Variants in PTGES3 observed in about 807,000 individuals in gnomAD.
PTGES3 encodes prostaglandin E synthase 3.
A neutral mutation model predicts 29.9 loss-of-function variants in PTGES3; 5 were observed. That is an observed-to-expected ratio of 0.17 (90% CI 0.09 to 0.35). PTGES3 has a LOEUF of 0.35. PTGES3 is among the 10% of genes least tolerant of loss of function. PTGES3 has a pLI of 1.00. For missense variants in PTGES3, 128 were observed against 190.0 expected (o/e 0.67, Z 1.92); for synonymous variants, 49 against 57.8 (o/e 0.85, Z 0.69).
chr12:56,667,002 T>A (rs1447657954), intron 5 of PTGES3, among the ~76,000 whole-genome samples: 1 of 151,966 alleles, frequency 6.6e-6, no homozygotes, highest in Non-Finnish European at 1.5e-5. Flanking sequence ...TCACTGCAAC[T>A]TCCGCTTCCC....
intron 1 of PTGES3, among the ~76,000 whole-genome samples, chr12:56,684,277 G>C (rs1378439190): frequency 2.0e-5 from 3 of 152,018 alleles, no homozygotes; most frequent in African/African-American, 4.8e-5. Flanking sequence ...TAAAACACTG[G>C]CTTGCACTCA....
chr12:56,686,981 G>C (rs1197421216), intron 1 of PTGES3: 3 of 144,544 alleles, frequency 2.1e-5, no homozygotes, highest in Non-Finnish European at 3.8e-5. Context: ...GACGTAGTTA[G>C]TACCTTGAAA....
At chr12:56,686,390 T>A (rs1034877029) in intron 1 of PTGES3, among the ~76,000 whole-genome samples, 2 of 142,208 alleles carry the variant, frequency 1.4e-5, no homozygotes, top group African/African-American at 2.6e-5. Context: ...TTATTTATTT[T>A]GAGACGGGTT....
At chr12:56,685,399 CTTT>C (rs143526249) in intron 1 of PTGES3, among the ~76,000 whole-genome samples, 112 of 131,152 alleles carry the variant, frequency 8.5e-4, no homozygotes, top group Non-Finnish European at 1.4e-3. Flanking sequence ...TTTTTCTTTT[CTTT>C]TTTTTTTTTT....
At chr12:56,668,043 G>A (rs1007590628) in intron 5 of PTGES3, among the ~76,000 whole-genome samples, 4 of 152,224 alleles carry the variant, frequency 2.6e-5, no homozygotes, top group Non-Finnish European at 5.9e-5. Context: ...AGGAGGTGGA[G>A]GCTGGAGTGA....
chr12:56,670,167 A>G (rs1021301704), intron 5 of PTGES3, 108 bp downstream of exon 5: 16 of 691,076 alleles, frequency 2.3e-5, no homozygotes, highest in Non-Finnish European at 4.1e-5. Flanking sequence ...TAAAAATAAA[A>G]TAACATGCAT....
chr12:56,665,672 C>G, intron 6 of PTGES3: 3 of 975,122 alleles, frequency 3.1e-6, no homozygotes, highest in Non-Finnish European at 3.7e-6. Context: ...GATGGAGCCT[C>G]GCTCTGCTGC....
chr12:56,673,982 A>C (rs527452730), intron 1 of PTGES3, among the ~76,000 whole-genome samples: 42 of 152,092 alleles, frequency 2.8e-4, no homozygotes, highest in Middle Eastern at 3.4e-3. Context: ...CAACAACAAC[A>C]AAAAACACTG....
In PTGES3 at chr12:56,672,828, AAAG is replaced by A; in HGVS notation, c.117-22_117-20del. The A allele has an allele frequency of 6.4e-7, 1 of 1,567,842 alleles. No homozygotes were observed. Among genetic ancestry groups the A allele is most frequent in the Non-Finnish European group, 8.6e-7 (1 of 1,160,498 alleles). ...GAGACAACTGTATAAAATAATAAAG[AAAG>A]AATTAAGCCTCTTCAAAGAGACAAA... On this transcript the variant is annotated intron_variant, in intron 2 of 7. Coordinates refer to ENST00000262033, the MANE Select transcript of PTGES3 (RefSeq NM_006601.7).
chr12:56,678,807 G>C (rs1387228014), intron 1 of PTGES3, among the ~76,000 whole-genome samples: 1 of 152,146 alleles, frequency 6.6e-6, no homozygotes, highest in Non-Finnish European at 1.5e-5. Context: ...ATTGAGCTTA[G>C]AAATGCTTGT....
At chr12:56,674,592 C>T (rs1284938240) in intron 1 of PTGES3, among the ~76,000 whole-genome samples, 3 of 151,304 alleles carry the variant, frequency 2.0e-5, no homozygotes. Context: ...TTTGGGAGGC[C>T]GAGGCAGGAG....
At chr12:56,674,450 G>A (rs763453450) in intron 1 of PTGES3, among the ~76,000 whole-genome samples, 4 of 151,972 alleles carry the variant, frequency 2.6e-5, no homozygotes, top group Non-Finnish European at 5.9e-5. Context: ...CCAGCACTTT[G>A]GGAGGCGAGG....
chr12:56,672,342 A>G (rs1952037681), intron 3 of PTGES3, among the ~76,000 whole-genome samples: 1 of 152,060 alleles, frequency 6.6e-6, no homozygotes, highest in African/African-American at 2.4e-5. Context: ...AAAAACACAA[A>G]AATTAGCCAG....
rs564917940 is a variant in PTGES3 at position 56,664,605 on chromosome 12, T to A, written c.464-107A>T. ...AAAATCGAAATACATAGTTGCCCAA[T>A]GAATTAATAGGTTGTCTTGCTATCA... On this transcript the variant is annotated intron_variant, in intron 7 of 7. Transcript: ENST00000262033. The A allele has an allele frequency of 3.6e-6, 5 of 1,392,234 alleles. No homozygotes were observed. In the Admixed American group the frequency reaches 8.7e-5, roughly 24 times the overall value. The allele number at this position is 1,392,234 out of a possible 1,614,324, so 86.2% of individuals were successfully genotyped here.
chr12:56,669,496 T>C (rs1951916754), intron 5 of PTGES3, among the ~76,000 whole-genome samples: 1 of 152,184 alleles, frequency 6.6e-6, no homozygotes, highest in Non-Finnish European at 1.5e-5. Flanking sequence ...TTGGTCAGGC[T>C]GGTCTTGAAC....
rs186722887 is a variant in PTGES3, at chr12:56,686,315, C to G, written c.2+1683G>C. Among the ~76,000 whole-genome samples the G allele has an allele frequency of 1.3e-3, 203 of 152,246 alleles. 2 individuals carry two copies. The highest frequency in any genetic ancestry group is 4.5e-3 in the African/African-American group (187 of 41,548). On this transcript the variant is annotated intron_variant, in intron 1 of 7. Coordinates refer to ENST00000262033, the MANE Select transcript of PTGES3 (RefSeq NM_006601.7). The stretch of plus-strand genomic sequence containing the variant: ...TGAAAGGTTAAGACTGATGTCCCTT[C>G]TACATTACTTAGGAGAGCTTTCAAA...
chr12:56,671,247 A>T, intron 4 of PTGES3, among the ~76,000 whole-genome samples: 1 of 152,044 alleles, frequency 6.6e-6, no homozygotes, highest in East Asian at 1.9e-4. Context: ...AAAATACAAA[A>T]ATTAGCCAGG....
chr12:56,676,145 G>GGAGGGGGAGGT (rs1365212616), intron 1 of PTGES3, among the ~76,000 whole-genome samples: 2 of 138,338 alleles, frequency 1.4e-5, no homozygotes, highest in African/African-American at 5.7e-5. Flanking sequence ...GAGGGGGAGG[G>GGAGGGGGAGGT]GGAGGTGGAG....
chr12:56,680,694 C>T (rs916933372), intron 1 of PTGES3, among the ~76,000 whole-genome samples: 21 of 151,792 alleles, frequency 1.4e-4, no homozygotes, highest in Non-Finnish European at 2.8e-4. Flanking sequence ...GTTCTCCTTT[C>T]AAATGAGGGA....
Sources: allele counts gnomAD v4.1 joint callset (sites outside exome capture counted in the v4.1 genomes callset), GRCh38; gene constraint gnomAD v4.1.1; transcripts MANE v1.5; gene names NCBI Gene and HGNC (gene_info 2026-07-23, HGNC 2026-07-21).